The following CHCHD3 variants were observed in gnomAD, a reference collection of about 807,000 sequenced individuals.
CHCHD3 encodes the protein coiled-coil-helix-coiled-coil-helix domain containing 3.
Under a neutral mutation model 38.2 loss-of-function variants are expected in CHCHD3, and 20 were observed. That is an observed-to-expected ratio of 0.52 (90% confidence interval 0.37 to 0.76). The LOEUF (loss-of-function observed/expected upper bound fraction) is 0.76, where lower values mean the gene tolerates loss of function less well. Among genes scored for constraint, CHCHD3 ranks in the 30% least tolerant of loss-of-function variants. The pLI, the probability that CHCHD3 is intolerant of heterozygous loss-of-function variation, is 0.00. For missense variants in CHCHD3, 245 were observed against 279.2 expected, an observed-to-expected ratio of 0.88 and a Z score of 0.87; for synonymous variants, 82 against 100.0, an observed-to-expected ratio of 0.82 and a Z score of 1.07.
chr7:132,896,984 G>A (rs191744862), intron 4 of CHCHD3, among the ~76,000 whole-genome samples: 1 of 152,328 alleles, frequency 6.6e-6, no homozygotes, highest in African/African-American at 2.4e-5. Context: ...GCACAGATTG[G>A]CGTTATCAAC....
chr7:132,917,978 CAA>C (rs1810158274), intron 4 of CHCHD3, among the ~76,000 whole-genome samples: 1 of 149,784 alleles, frequency 6.7e-6, no homozygotes, highest in Non-Finnish European at 1.5e-5. Flanking sequence ...TGTGAGCAAA[CAA>C]AAGAGAAAAG....
At chr7:132,870,781 T>C (rs183817612) in intron 5 of CHCHD3, among the ~76,000 whole-genome samples, 3 of 152,298 alleles carry the variant, frequency 2.0e-5, no homozygotes, top group Non-Finnish European at 2.9e-5. Flanking sequence ...CTAGAACTTA[T>C]CTGATGAGAT....
chr7:132,787,035 T>G (rs1806338031), intron 7 of CHCHD3, among the ~76,000 whole-genome samples: 1 of 152,044 alleles, frequency 6.6e-6, no homozygotes, highest in African/African-American at 2.4e-5. Context: ...ATGGAGAGAA[T>G]CCAGGTGGAG....
At chr7:133,050,730 T>C (rs568640256) in intron 2 of CHCHD3, among the ~76,000 whole-genome samples, 1 of 152,126 alleles carries the variant, frequency 6.6e-6, no homozygotes, top group Admixed American at 6.5e-5. Context: ...CTTAAAAATA[T>C]GCCAGGCGCA....
At chr7:132,962,150 T>C (rs1811335519) in intron 4 of CHCHD3, among the ~76,000 whole-genome samples, 1 of 152,218 alleles carries the variant, frequency 6.6e-6, no homozygotes, top group South Asian at 2.1e-4. Context: ...AAGTAATCAA[T>C]AACAAAATTC....
intron 2 of CHCHD3, among the ~76,000 whole-genome samples, chr7:133,055,402 AGTTAT>A (rs907705758): frequency 6.9e-6 from 1 of 144,986 alleles, no homozygotes; most frequent in Non-Finnish European, 1.5e-5. Context: ...TAATTATAAT[AGTTAT>A]GTTATATAGT....
At chr7:132,985,531 C>A (rs556713833) in intron 3 of CHCHD3, among the ~76,000 whole-genome samples, 1 of 84,834 alleles carries the variant, frequency 1.2e-5, no homozygotes, top group Non-Finnish European at 2.4e-5. Flanking sequence ...CCCGGCCAGC[C>A]GCCCCGTCCA....
intron 5 of CHCHD3, chr7:132,847,155 A>C (rs1384068220): frequency 6.6e-6 from 1 of 152,192 alleles, no homozygotes; most frequent in African/African-American, 2.4e-5. Context: ...GGGTGGAGGA[A>C]GGGGGAGGTC....
intron 5 of CHCHD3, among the ~76,000 whole-genome samples, 198 bp from the exon 6 acceptor site, chr7:132,838,667 G>A (rs1017275171): frequency 4.6e-5 from 7 of 152,076 alleles, no homozygotes; most frequent in Admixed American, 1.3e-4. Flanking sequence ...GTTGGTATGC[G>A]GATTATAATT....
At chr7:132,888,085 A>C (rs889390449) in intron 4 of CHCHD3, among the ~76,000 whole-genome samples, 1 of 151,850 alleles carries the variant, frequency 6.6e-6, no homozygotes, top group Non-Finnish European at 1.5e-5. Context: ...CTTAAAAAAG[A>C]AAAAAGAAAA....
At chr7:133,057,246 A>C (rs1814367430) in intron 2 of CHCHD3, among the ~76,000 whole-genome samples, 1 of 152,212 alleles carries the variant, frequency 6.6e-6, no homozygotes, top group Non-Finnish European at 1.5e-5. Context: ...GTTCTCAATC[A>C]AAATATAACA....
At chr7:132,897,972 T>G (rs1585616146) in intron 4 of CHCHD3, among the ~76,000 whole-genome samples, 1 of 152,042 alleles carries the variant, frequency 6.6e-6, no homozygotes, top group South Asian at 2.1e-4. Context: ...TTCTGGCGGG[T>G]TCGTGGTCTC....
chr7:133,060,401 G>A (rs116382651), intron 2 of CHCHD3, among the ~76,000 whole-genome samples: 3,460 of 152,250 alleles, frequency 0.023, 131 homozygotes, highest in African/African-American at 0.079. Context: ...CGTGTGCTAC[G>A]AGAGACGTGC....
chr7:132,911,800 A>G (rs1409879716), intron 4 of CHCHD3, among the ~76,000 whole-genome samples: 2 of 152,212 alleles, frequency 1.3e-5, no homozygotes. Context: ...CAAATGTATA[A>G]AACTTTGCTA....
intron 4 of CHCHD3, among the ~76,000 whole-genome samples, chr7:132,926,876 G>C (rs979029641): frequency 6.6e-5 from 10 of 151,944 alleles, no homozygotes; most frequent in Admixed American, 2.6e-4. Flanking sequence ...TCCATGGATG[G>C]GTGAATTTAA....
At chr7:132,904,183 C>T (rs1413561657) in intron 4 of CHCHD3, among the ~76,000 whole-genome samples, 1 of 151,926 alleles carries the variant, frequency 6.6e-6, no homozygotes, top group African/African-American at 2.4e-5. Flanking sequence ...ATCATTTGAG[C>T]CCAGGAGGTC....
At chr7:132,807,200 G>A (rs114734240) in intron 6 of CHCHD3, among the ~76,000 whole-genome samples, 1,548 of 152,254 alleles carry the variant, frequency 0.01, 27 homozygotes, top group African/African-American at 0.035. Flanking sequence ...GGGAGGCCCC[G>A]CTGCCTGGCC....
chr7:132,901,398 T>A (rs1809663537), intron 4 of CHCHD3, among the ~76,000 whole-genome samples: 3 of 152,050 alleles, frequency 2.0e-5, no homozygotes, highest in African/African-American at 4.8e-5. Context: ...GCCACCTCAG[T>A]GCCGGGATGG....
rs184573267 is a variant in CHCHD3 at position 132,904,792 on chromosome 7, G to A, written c.370-19047C>T. On this transcript the variant is annotated intron_variant, in intron 4 of 7. Coordinates refer to ENST00000262570, the MANE Select transcript of CHCHD3 (RefSeq NM_017812.4). ...TCCTACTATAAAGACACATGCACAC[G>A]TATGTTTATTGCAGCACTATTCACA... 2.2e-4 allele frequency among the ~76,000 whole-genome samples: 34 copies of A among 152,244 alleles called. No individual in the cohort carries two copies. The East Asian group carries it at 3.7e-3, about 16-fold the overall frequency.
Sources: gnomAD v4.1 joint callset for allele counts (sites outside exome capture counted in the v4.1 genomes callset) on GRCh38, gnomAD v4.1.1 for gene constraint, MANE v1.5 for transcripts, NCBI Gene and HGNC (gene_info 2026-07-23, HGNC 2026-07-21) for gene names.